Variants in CNTN4 observed in about 807,000 individuals in gnomAD.
CNTN4 encodes contactin 4.
Under a neutral mutation model 122.5 loss-of-function variants are expected in CNTN4, and 77 were observed. The observed-to-expected ratio is 0.63, with a 90% CI of 0.52 to 0.76. The LOEUF (loss-of-function observed/expected upper bound fraction) is 0.76, where lower values mean the gene tolerates loss of function less well. Ranked by LOEUF, CNTN4 falls within the 30% of genes least tolerant of loss-of-function variation. The pLI is 0.00. For synonymous variants in CNTN4, 512 were observed against 447.0 expected, an observed-to-expected ratio of 1.15 and a Z score of -1.83; for missense variants, 1,256 against 1,259.1, an observed-to-expected ratio of 1.00 and a Z score of 0.04.
At chr3:2,343,971 AAG>A (rs956217099) in intron 3 of CNTN4, among the ~76,000 whole-genome samples, 30 of 152,124 alleles carry the variant, frequency 2.0e-4, no homozygotes, top group African/African-American at 7.2e-4. Flanking sequence ...GAGAGGGAGC[AAG>A]AGAGAGGCGA....
chr3:2,708,334 T>C (rs2149315804), intron 4 of CNTN4, among the ~76,000 whole-genome samples: 1 of 152,192 alleles, frequency 6.6e-6, no homozygotes, highest in African/African-American at 2.4e-5. Flanking sequence ...CAAAAAGTAA[T>C]CATTTACATC....
At chr3:2,969,831 T>C (rs1223292262) in intron 13 of CNTN4, among the ~76,000 whole-genome samples, 1 of 152,144 alleles carries the variant, frequency 6.6e-6, no homozygotes, top group Non-Finnish European at 1.5e-5. Context: ...CTGGGGCTTA[T>C]CTGAGAGGCC....
rs557514621 is a variant in CNTN4 at position 2,292,126 on chromosome 3, G to A, written c.-144-47052G>A. On this transcript the variant is annotated intron_variant, in intron 2 of 24. Coordinates refer to ENST00000418658, the MANE Select transcript of CNTN4 (RefSeq NM_175607.3). The stretch of plus-strand genomic sequence containing the variant: ...TTAAAATGTCTCATGCCCATTCCCT[G>A]TCTCATTTGTAAAAAGTGGTACTTG... 2.0e-3 allele frequency among the ~76,000 whole-genome samples: 307 copies of A among 152,224 alleles called. 1 individual carries two copies. The highest frequency in any genetic ancestry group is 6.9e-3 in the African/African-American group (288 of 41,530).
intron 6 of CNTN4, among the ~76,000 whole-genome samples, chr3:2,800,731 C>A (rs1312654083): frequency 6.6e-6 from 1 of 152,040 alleles, no homozygotes; most frequent in Non-Finnish European, 1.5e-5. Context: ...TGTCCCAATA[C>A]CTCCCTGACT....
intron 6 of CNTN4, among the ~76,000 whole-genome samples, chr3:2,781,317 T>G (rs1205802951): frequency 6.6e-6 from 1 of 152,104 alleles, no homozygotes; most frequent in Non-Finnish European, 1.5e-5. Context: ...CATTAACAAA[T>G]CAAATGTAAA....
At chr3:2,690,227 A>G (rs1225989832) in intron 4 of CNTN4, among the ~76,000 whole-genome samples, 1 of 152,144 alleles carries the variant, frequency 6.6e-6, no homozygotes, top group Non-Finnish European at 1.5e-5. Context: ...GTTAAATTAT[A>G]TTCTCTGGGA....
intron 3 of CNTN4, among the ~76,000 whole-genome samples, chr3:2,534,367 T>C (rs1224464628): frequency 6.6e-6 from 1 of 152,214 alleles, no homozygotes; most frequent in Non-Finnish European, 1.5e-5. Context: ...TAGGGAATCC[T>C]TTCCCCATTT....
chr3:2,799,565 C>T (rs924048481), intron 6 of CNTN4, among the ~76,000 whole-genome samples: 3 of 151,968 alleles, frequency 2.0e-5, no homozygotes, highest in African/African-American at 4.8e-5. Flanking sequence ...GGGGTTCAAG[C>T]GATTCTCCTG....
chr3:2,746,074 T>A (rs1274423019), intron 6 of CNTN4, among the ~76,000 whole-genome samples: 1 of 151,774 alleles, frequency 6.6e-6, no homozygotes, highest in African/African-American at 2.4e-5. Context: ...AAGCAAGCAA[T>A]TGAACAAATT....
At chr3:2,861,880 A>G (rs1311517098) in intron 7 of CNTN4, among the ~76,000 whole-genome samples, 1 of 152,218 alleles carries the variant, frequency 6.6e-6, no homozygotes, top group African/African-American at 2.4e-5. Flanking sequence ...AGACTGAGAC[A>G]TCATGTAATC....
chr3:2,767,991 C>T (rs186679613), intron 6 of CNTN4, among the ~76,000 whole-genome samples: 145 of 152,294 alleles, frequency 9.5e-4, no homozygotes, highest in African/African-American at 3.2e-3. Flanking sequence ...GGCTAGAAAA[C>T]ATTTGCATAT....
chr3:2,706,475 C>G (rs924850055), intron 4 of CNTN4, among the ~76,000 whole-genome samples: 1 of 152,184 alleles, frequency 6.6e-6, no homozygotes, highest in South Asian at 2.1e-4. Flanking sequence ...TCTGAAGTCA[C>G]ATTTGCAATT....
At chr3:2,810,973 G>A (rs1559528785) in intron 6 of CNTN4, among the ~76,000 whole-genome samples, 1 of 151,040 alleles carries the variant, frequency 6.6e-6, no homozygotes. Context: ...AGTGTATTAA[G>A]GATTTCCATA....
chr3:2,613,904 T>A (rs570253921), intron 4 of CNTN4, among the ~76,000 whole-genome samples: 1 of 152,030 alleles, frequency 6.6e-6, no homozygotes, highest in South Asian at 2.1e-4. Flanking sequence ...TATCCCTACA[T>A]TCAGATACTC....
In CNTN4 at chr3:3,039,078, G is replaced by A. The variant is rs1699900583; in HGVS notation, c.2163+75G>A. The A allele has an allele frequency of 3.8e-6, 5 of 1,317,012 alleles. No homozygotes were observed. The East Asian group carries it at 7.0e-5, about 19-fold the overall frequency. 81.6% of individuals were successfully genotyped at this position (1,317,012 alleles called of 1,614,324 possible). On this transcript the variant is annotated intron_variant, in intron 19 of 24. Coordinates refer to ENST00000418658, the MANE Select transcript of CNTN4 (RefSeq NM_175607.3). Reference sequence around the variant, plus strand: ...ATTATTTTCCTCCATGTTAGACATAGCTGGGAAGTTTCCTCCTCTGTTTTT... The same window carrying A: ...ATTATTTTCCTCCATGTTAGACATAACTGGGAAGTTTCCTCCTCTGTTTTT...
intron 4 of CNTN4, among the ~76,000 whole-genome samples, chr3:2,597,301 G>A (rs2080816089): frequency 6.6e-6 from 1 of 152,054 alleles, no homozygotes; most frequent in Non-Finnish European, 1.5e-5. Flanking sequence ...CTACAACATT[G>A]GGTTGCAAAG....
At chr3:2,357,857 C>A (rs936043043) in intron 3 of CNTN4, among the ~76,000 whole-genome samples, 1 of 152,162 alleles carries the variant, frequency 6.6e-6, no homozygotes, top group African/African-American at 2.4e-5. Context: ...GGCTTTAATG[C>A]CTGTAAATTT....
At position 2,426,798 on chromosome 3, in the gene CNTN4, G is replaced by A. The variant is rs139846225; in HGVS notation, c.-89+87565G>A. Among the ~76,000 whole-genome samples, 29 of 152,164 alleles carry A rather than the reference G, an allele frequency of 1.9e-4. No individual in the cohort carries two copies. In the East Asian group the frequency reaches 4.6e-3, roughly 24 times the overall value. ...TCAACTTCTTCCTGGTTTAGTCTTCGGAGGGTGTATGTGTCCAGAAATTTA... is the reference window on the plus strand; with the variant it reads ...TCAACTTCTTCCTGGTTTAGTCTTCAGAGGGTGTATGTGTCCAGAAATTTA... On this transcript the variant is annotated intron_variant, in intron 3 of 24. Transcript: ENST00000418658.
intron 4 of CNTN4, among the ~76,000 whole-genome samples, chr3:2,688,732 T>G (rs2085568351): frequency 6.6e-6 from 1 of 152,168 alleles, no homozygotes; most frequent in Admixed American, 6.5e-5. Flanking sequence ...GAATGCCCAT[T>G]TCCCTAGTTA....
Sources: gnomAD v4.1 joint callset for allele counts (sites outside exome capture counted in the v4.1 genomes callset) on GRCh38, gnomAD v4.1.1 for gene constraint, MANE v1.5 for transcripts, NCBI Gene and HGNC (gene_info 2026-07-23, HGNC 2026-07-21) for gene names.